The following STAG1 variants were observed in gnomAD, a reference collection of about 807,000 sequenced individuals.
The protein encoded by STAG1 is cohesin subunit SA-1.
Under a neutral mutation model 170.9 loss-of-function variants are expected in STAG1, and 26 were observed. That is an observed-to-expected ratio of 0.15 (90% CI 0.11 to 0.21). The LOEUF (loss-of-function observed/expected upper bound fraction) is 0.21, where lower values mean the gene tolerates loss of function less well. STAG1 is among the 10% of genes least tolerant of loss of function. The probability of loss-of-function intolerance (pLI) is 1.00; values close to 1 mark genes in which losing one functional copy is unlikely to be tolerated. For synonymous variants in STAG1, 514 were observed against 497.7 expected, an observed-to-expected ratio of 1.03 and a Z score of -0.44; for missense variants, 964 against 1,509.5, an observed-to-expected ratio of 0.64 and a Z score of 5.99.
chr3:136,637,327 A>G (rs186822158), intron 1 of STAG1, among the ~76,000 whole-genome samples: 13 of 152,372 alleles, frequency 8.5e-5, no homozygotes, highest in Admixed American at 3.3e-4. Context: ...AGTAGGAAAC[A>G]TTAAGACTCA....
chr3:136,751,172 G>GTTTTTTTTTTTTTT (rs776717703), intron 1 of STAG1, among the ~76,000 whole-genome samples: 7 of 136,162 alleles, frequency 5.1e-5, no homozygotes, highest in Non-Finnish European at 4.7e-5. Flanking sequence ...GACAAATTGC[G>GTTTTTTTTTTTTTT]TTTTTTTTTT....
Position 136,343,953 on chromosome 3 carries a change from G to A in STAG1, c.3325C>T (p.Pro1109Ser). The A allele has an allele frequency of 4.3e-6, 7 of 1,612,252 alleles. No homozygotes were observed. The highest frequency in any genetic ancestry group is 5.9e-6 in the Non-Finnish European group (7 of 1,179,236). The change falls in exon 30 of 34, where the codon CCT becomes TCT. Residue 1109 changes from proline (P) to serine (S), a missense_variant. By Grantham distance (74) the Pro-to-Ser change is moderately conservative. Transcript: ENST00000383202. ...AGTTGTGGTGCTGGCAGGGGGCCAG[G>A]AGTCTGAATCATGGTGTCAGTCCTG... ...LNRTDTMIQTPGPLPAPQLTS... is the reference protein window; with the variant it reads ...LNRTDTMIQTSGPLPAPQLTS...
At chr3:136,446,513 C>A (rs1042892066) in intron 14 of STAG1, among the ~76,000 whole-genome samples, 75 of 151,822 alleles carry the variant, frequency 4.9e-4, no homozygotes, top group Non-Finnish European at 3.2e-4. Context: ...ACCTCCGCCT[C>A]CCAGGTTCAA....
chr3:136,633,499 A>T (rs533511378), intron 1 of STAG1, among the ~76,000 whole-genome samples: 2 of 152,166 alleles, frequency 1.3e-5, no homozygotes, highest in African/African-American at 4.8e-5. Flanking sequence ...CAGGAGCTCC[A>T]GATCACCCTG....
intron 22 of STAG1, among the ~76,000 whole-genome samples, chr3:136,398,057 C>T (rs2087218502): frequency 1.3e-5 from 2 of 151,994 alleles, no homozygotes; most frequent in African/African-American, 4.8e-5. Context: ...AGCGATTCTC[C>T]TGCCTCAGCC....
At chr3:136,437,528 T>A (rs2088493800) in intron 15 of STAG1, among the ~76,000 whole-genome samples, 3 of 152,194 alleles carry the variant, frequency 2.0e-5, no homozygotes, top group African/African-American at 4.8e-5. Flanking sequence ...AGCATCTCCA[T>A]TTCCTCACTA....
At position 136,369,155 on chromosome 3, in the gene STAG1, A is replaced by C. The variant is rs1243445097; in HGVS notation, c.2498T>G (p.Val833Gly). Residue 833 changes from valine to glycine, a missense_variant, in exon 24 of 34, where the codon GTG becomes GGG. By Grantham distance (109) the Val-to-Gly change is moderately radical. Transcript: ENST00000383202. Reference sequence around the variant, plus strand: ...TTGGTCAATAAAAACGTGATCCATCACAAAACTGAGGAGTTCAGATTGGAG... The same window carrying C: ...TTGGTCAATAAAAACGTGATCCATCCCAAAACTGAGGAGTTCAGATTGGAG... ...TGLQSELLSF[V>G]MDHVFIDQDE... 6.3e-7 allele frequency: 1 copy of C among 1,593,584 alleles called. No homozygotes were observed. Among genetic ancestry groups the C allele is most frequent in the Non-Finnish European group, 8.5e-7 (1 of 1,173,462 alleles).
At chr3:136,625,456 A>G (rs1940052444) in intron 2 of STAG1, among the ~76,000 whole-genome samples, 1 of 152,188 alleles carries the variant, frequency 6.6e-6, no homozygotes, top group Admixed American at 6.5e-5. Flanking sequence ...CCTCAAATTC[A>G]CCAAATGCCA....
intron 30 of STAG1, among the ~76,000 whole-genome samples, chr3:136,341,793 C>G (rs911015828): frequency 6.6e-6 from 1 of 152,206 alleles, no homozygotes; most frequent in East Asian, 1.9e-4. Flanking sequence ...CTCTGCCAAA[C>G]AAGGGTTCTC....
intron 16 of STAG1, among the ~76,000 whole-genome samples, chr3:136,424,485 C>A (rs1214329197): frequency 6.6e-6 from 1 of 152,000 alleles, no homozygotes; most frequent in Non-Finnish European, 1.5e-5. Context: ...CAGGTGCGTA[C>A]CACTAAGTCG....
At chr3:136,427,354 T>C (rs566002526) in intron 16 of STAG1, among the ~76,000 whole-genome samples, 28 of 152,224 alleles carry the variant, frequency 1.8e-4, no homozygotes, top group Admixed American at 9.8e-4. Context: ...TTGCCAAGTA[T>C]TCACTAAAAA....
chr3:136,604,486 TA>T lies in STAG1; in HGVS notation c.133-14del. The T allele has an allele frequency of 6.3e-7, 1 of 1,583,548 alleles. No homozygotes were observed. Among genetic ancestry groups the T allele is most frequent in the Non-Finnish European group, 8.5e-7 (1 of 1,170,308 alleles). On this transcript the variant is annotated splice_polypyrimidine_tract_variant and intron_variant, in intron 3 of 33. Transcript: ENST00000383202. ...TCTTATTTGTAGACTGAAAAAAAGA[TA>T]AAAAAAGATTCCATTCGATTAGGTT...
intron 4 of STAG1, among the ~76,000 whole-genome samples, chr3:136,585,562 T>A (rs111678336): frequency 1.1e-3 from 174 of 151,344 alleles, no homozygotes; most frequent in African/African-American, 2.4e-3. Flanking sequence ...GCACCACTGC[T>A]CTCCAGCCTG....
chr3:136,593,306 A>G (rs1938277291), intron 4 of STAG1, among the ~76,000 whole-genome samples: 1 of 152,170 alleles, frequency 6.6e-6, no homozygotes, highest in South Asian at 2.1e-4. Context: ...TTCATGGTAC[A>G]TATTAGGTGA....
chr3:136,590,240 T>A (rs1269139877), intron 4 of STAG1, among the ~76,000 whole-genome samples: 2 of 151,986 alleles, frequency 1.3e-5, no homozygotes, highest in Non-Finnish European at 2.9e-5. Context: ...ATCTCAGCAC[T>A]TTGGGAGGTT....
chr3:136,594,919 T>C (rs1209653706), intron 4 of STAG1, among the ~76,000 whole-genome samples: 1 of 152,072 alleles, frequency 6.6e-6, no homozygotes, highest in African/African-American at 2.4e-5. Context: ...TACAGACACA[T>C]GCCACCACAC....
At chr3:136,684,056 A>G (rs549275575) in intron 1 of STAG1, among the ~76,000 whole-genome samples, 29 of 152,328 alleles carry the variant, frequency 1.9e-4, no homozygotes, top group Admixed American at 8.5e-4. Context: ...GAAATATTAC[A>G]TGCTTGTGGA....
intron 6 of STAG1, among the ~76,000 whole-genome samples, chr3:136,524,391 CTGTT>C (rs1255513534): frequency 6.6e-6 from 1 of 151,922 alleles, no homozygotes. Flanking sequence ...ATTTGGCTCT[CTGTT>C]TGTCTGTTAC....
At chr3:136,366,064 G>C (rs1326038673) in intron 25 of STAG1, among the ~76,000 whole-genome samples, 1 of 151,900 alleles carries the variant, frequency 6.6e-6, no homozygotes, top group Non-Finnish European at 1.5e-5. Flanking sequence ...AGTAATTTAT[G>C]CATCTATCAC....
Sources: allele counts gnomAD v4.1 joint callset (sites outside exome capture counted in the v4.1 genomes callset), GRCh38; gene constraint gnomAD v4.1.1; transcripts MANE v1.5; gene names NCBI Gene and HGNC (gene_info 2026-07-23, HGNC 2026-07-21).